The following GUCY1A2 variants were observed in gnomAD, a reference collection of about 807,000 sequenced individuals.
The protein encoded by GUCY1A2 is guanylate cyclase 1 soluble subunit alpha 2.
Under a neutral mutation model 63.5 loss-of-function variants are expected in GUCY1A2, and 27 were observed. The observed-to-expected ratio is 0.43, with a 90% CI of 0.31 to 0.59. GUCY1A2 has a LOEUF of 0.59. Among genes scored for constraint, GUCY1A2 ranks in the 20% least tolerant of loss-of-function variants. GUCY1A2 has a pLI of 0.11. For missense variants in GUCY1A2, 768 were observed against 913.3 expected (o/e 0.84, Z 2.05); for synonymous variants, 364 against 343.5 (o/e 1.06, Z -0.66).
intron 4 of GUCY1A2, among the ~76,000 whole-genome samples, chr11:106,874,921 T>C (rs1439464283): frequency 6.6e-6 from 1 of 152,148 alleles, no homozygotes; most frequent in Non-Finnish European, 1.5e-5. Context: ...TAAAGATTCT[T>C]TTAGCAAAAC....
At chr11:106,758,860 T>G (rs1864017915) in intron 6 of GUCY1A2, among the ~76,000 whole-genome samples, 1 of 152,116 alleles carries the variant, frequency 6.6e-6, no homozygotes, top group Non-Finnish European at 1.5e-5. Flanking sequence ...GTTGACACAC[T>G]GGGGCCAGTC....
At chr11:106,815,068 C>T (rs1299330277) in intron 4 of GUCY1A2, among the ~76,000 whole-genome samples, 2 of 151,850 alleles carry the variant, frequency 1.3e-5, no homozygotes, top group African/African-American at 4.8e-5. Context: ...TTTTAAAACA[C>T]AAAATCTCAG....
chr11:106,982,483 G>A (rs1861349986), intron 2 of GUCY1A2, among the ~76,000 whole-genome samples: 1 of 152,114 alleles, frequency 6.6e-6, no homozygotes. Flanking sequence ...GAAAGACAGT[G>A]CTATGGGAAC....
At chr11:106,758,924 G>T (rs1434528487) in intron 6 of GUCY1A2, among the ~76,000 whole-genome samples, 1 of 152,144 alleles carries the variant, frequency 6.6e-6, no homozygotes, top group African/African-American at 2.4e-5. Flanking sequence ...TAGTGTTGGG[G>T]AGGGGTGTGG....
chr11:106,990,467 G>A (rs1861456381), intron 1 of GUCY1A2, among the ~76,000 whole-genome samples: 1 of 152,242 alleles, frequency 6.6e-6, no homozygotes, highest in African/African-American at 2.4e-5. Flanking sequence ...CCAGCAGCTG[G>A]CCCTGCAGGC....
chr11:107,003,745 C>T (rs1861637687), intron 1 of GUCY1A2, among the ~76,000 whole-genome samples: 1 of 152,158 alleles, frequency 6.6e-6, no homozygotes, highest in Admixed American at 6.5e-5. Context: ...GAATCTTGCA[C>T]TTTTGTTAAT....
intron 4 of GUCY1A2, chr11:106,824,177 T>C: frequency 1.4e-6 from 2 of 1,395,724 alleles, no homozygotes; most frequent in South Asian, 3.0e-5. Flanking sequence ...CACAGAACTC[T>C]TTCAGGGTAA....
At chr11:106,955,394 G>T (rs763098566) in intron 3 of GUCY1A2, among the ~76,000 whole-genome samples, 1 of 152,172 alleles carries the variant, frequency 6.6e-6, no homozygotes, top group Non-Finnish European at 1.5e-5. Context: ...TTTCTTCATG[G>T]TGTCATTGGT....
At chr11:106,901,615 G>C (rs1254823959) in intron 4 of GUCY1A2, among the ~76,000 whole-genome samples, 1 of 151,728 alleles carries the variant, frequency 6.6e-6, no homozygotes, top group African/African-American at 2.4e-5. Context: ...TTTACATTAG[G>C]TATATCTCCT....
chr11:106,743,935 G>A lies in GUCY1A2; in HGVS notation c.1836+32504C>T, dbSNP rs569393763. Among the ~76,000 whole-genome samples the A allele has an allele frequency of 1.7e-3, 253 of 152,228 alleles. 3 individuals carry two copies. Among genetic ancestry groups the A allele is most frequent in the Middle Eastern group, 0.01 (3 of 294 alleles). ...GAATACAATATGCAGAAAACTAAAA[G>A]GTTGCCTTTTCCTGTAAGTCCCTAG... On this transcript the variant is annotated intron_variant, in intron 6 of 7. Coordinates refer to ENST00000526355, the MANE Select transcript of GUCY1A2 (RefSeq NM_000855.3).
At chr11:106,768,088 T>C (rs1864194105) in intron 6 of GUCY1A2, among the ~76,000 whole-genome samples, 1 of 152,152 alleles carries the variant, frequency 6.6e-6, no homozygotes, top group African/African-American at 2.4e-5. Context: ...TGATTGCAGT[T>C]TACAAAATGA....
chr11:106,944,882 T>C (rs76804024), intron 3 of GUCY1A2, among the ~76,000 whole-genome samples: 2,493 of 152,256 alleles, frequency 0.016, 72 homozygotes, highest in African/African-American at 0.057. Flanking sequence ...TCTTATAAAA[T>C]AGCAGATAGT....
rs145430438 is a variant in GUCY1A2 at position 106,810,244 on chromosome 11, G to C, written c.1441C>G (p.Gln481Glu). The C allele has an allele frequency of 5.8e-5, 94 of 1,613,768 alleles. No homozygotes were observed. The highest frequency in any genetic ancestry group is 7.8e-5 in the Non-Finnish European group (92 of 1,179,896). Residue 481 changes from glutamine to glutamate, a missense_variant, in exon 5 of 8, where the codon CAG becomes GAG. This residue lies in a region of GUCY1A2 where 122 missense variants were observed against 238.1 expected (regional missense o/e 0.51). Coordinates refer to ENST00000526355, the MANE Select transcript of GUCY1A2 (RefSeq NM_000855.3). ...KLKATLERTH[Q>E]ALEEEKKKTV... ...TTCTTTTTCTCTTCTTCCAGGGCCT[G>C]GTGAGTTCTTTCTAAAGTTGCCTTT...
chr11:106,819,447 A>C (rs558766486), intron 4 of GUCY1A2, among the ~76,000 whole-genome samples: 1 of 152,290 alleles, frequency 6.6e-6, no homozygotes, highest in South Asian at 2.1e-4. Flanking sequence ...ACTTTAAGAA[A>C]TTGTTAGAGC....
intron 6 of GUCY1A2, among the ~76,000 whole-genome samples, chr11:106,728,959 G>T (rs181458596): frequency 3.5e-4 from 54 of 152,218 alleles, no homozygotes; most frequent in African/African-American, 1.3e-3. Context: ...CCAAGGAGAA[G>T]ATTTACTTCA....
chr11:106,934,849 G>A (rs1860653749), intron 4 of GUCY1A2, among the ~76,000 whole-genome samples: 1 of 152,114 alleles, frequency 6.6e-6, no homozygotes, highest in Admixed American at 6.6e-5. Flanking sequence ...AAAAAAAAAT[G>A]TCAAAAGAAC....
chr11:106,920,686 C>T (rs548541303), intron 4 of GUCY1A2, among the ~76,000 whole-genome samples: 4 of 152,184 alleles, frequency 2.6e-5, no homozygotes, highest in Admixed American at 2.6e-4. Flanking sequence ...ACTAAAGCAA[C>T]CCCTGTAAGC....
chr11:106,814,464 T>G (rs1248840540), intron 4 of GUCY1A2, among the ~76,000 whole-genome samples: 2 of 152,104 alleles, frequency 1.3e-5, no homozygotes, highest in Non-Finnish European at 2.9e-5. Context: ...TGTCCTGATA[T>G]TCTCCCTCTC....
At chr11:106,985,330 G>C (rs1179686373) in intron 2 of GUCY1A2, among the ~76,000 whole-genome samples, 1 of 152,196 alleles carries the variant, frequency 6.6e-6, no homozygotes, top group Non-Finnish European at 1.5e-5. Flanking sequence ...GCATGAGTAG[G>C]TAAATTTAGG....
Sources: allele counts gnomAD v4.1 joint callset (sites outside exome capture counted in the v4.1 genomes callset), GRCh38; gene constraint gnomAD v4.1.1; regional missense constraint gnomAD v4.1.1; transcripts MANE v1.5; gene names NCBI Gene and HGNC (gene_info 2026-07-23, HGNC 2026-07-21).